The following FGGY variants were observed in gnomAD, a reference collection of about 807,000 sequenced individuals.
The protein encoded by FGGY is FGGY carbohydrate kinase domain containing, also known as FGGY carbohydrate kinase domain-containing protein.
FGGY carries 72 observed loss-of-function variants against 71.3 expected under a neutral mutation model. That is an observed-to-expected ratio of 1.01 (90% CI 0.84 to 1.23). The LOEUF is 1.23. Among genes scored for constraint, FGGY ranks in the 50% most tolerant of loss-of-function variants. The pLI is 0.00. For missense variants in FGGY, 668 were observed against 682.3 expected, an observed-to-expected ratio of 0.98 and a Z score of 0.23; for synonymous variants, 251 against 250.3, an observed-to-expected ratio of 1.00 and a Z score of -0.02.
intron 1 of FGGY, among the ~76,000 whole-genome samples, chr1:59,319,171 C>T (rs192148017): frequency 1.3e-5 from 2 of 152,202 alleles, no homozygotes; most frequent in East Asian, 3.9e-4. Flanking sequence ...TTGTAACATA[C>T]CATTGATTGT....
chr1:59,530,153 C>A (rs1441143744), intron 7 of FGGY, among the ~76,000 whole-genome samples: 1 of 151,788 alleles, frequency 6.6e-6, no homozygotes. Flanking sequence ...AGCCGTAAAT[C>A]CTGAAGTTAA....
At chr1:59,547,100 G>A (rs1217778643) in intron 7 of FGGY, among the ~76,000 whole-genome samples, 7 of 151,706 alleles carry the variant, frequency 4.6e-5, no homozygotes, top group South Asian at 2.1e-4. Flanking sequence ...CTACAGGCGC[G>A]TGCCACCATG....
intron 7 of FGGY, among the ~76,000 whole-genome samples, chr1:59,545,295 T>C (rs2095503797): frequency 6.6e-6 from 1 of 152,238 alleles, no homozygotes; most frequent in African/African-American, 2.4e-5. Context: ...GTCACAGTAT[T>C]TGATCTATTT....
At chr1:59,323,952 G>A (rs2153138012) in intron 2 of FGGY, among the ~76,000 whole-genome samples, 1 of 152,210 alleles carries the variant, frequency 6.6e-6, no homozygotes, top group Admixed American at 6.5e-5. Context: ...TCACTCTCCT[G>A]GTTAGGGTTC....
intron 14 of FGGY, among the ~76,000 whole-genome samples, chr1:59,711,004 C>T (rs2097789784): frequency 6.6e-6 from 1 of 152,002 alleles, no homozygotes; most frequent in Non-Finnish European, 1.5e-5. Context: ...ATTTTTATTG[C>T]AGTACTATTG....
intron 14 of FGGY, among the ~76,000 whole-genome samples, chr1:59,683,536 G>A (rs1439955165): frequency 6.6e-6 from 1 of 152,162 alleles, no homozygotes; most frequent in East Asian, 1.9e-4. Context: ...ACGTTACAAG[G>A]CCTTGTCCAG....
intron 14 of FGGY, among the ~76,000 whole-genome samples, chr1:59,726,950 A>G (rs139368925): frequency 1.3e-5 from 2 of 152,116 alleles, no homozygotes; most frequent in African/African-American, 4.8e-5. Context: ...ACATAGGTAT[A>G]TTGTGTGATG....
At chr1:59,660,139 A>G (rs1260061943) in intron 11 of FGGY, 80 bp from the exon 12 acceptor site, 4 of 1,270,094 alleles carry the variant, frequency 3.1e-6, no homozygotes, top group Non-Finnish European at 3.4e-6. Context: ...AACACATCTG[A>G]ACGTATTTCA....
chr1:59,363,991 CAAAT>C (rs1433270292), intron 4 of FGGY, among the ~76,000 whole-genome samples: 1 of 152,128 alleles, frequency 6.6e-6, no homozygotes, highest in African/African-American at 2.4e-5. Flanking sequence ...TGCACATACC[CAAAT>C]AGACTCCAAA....
In FGGY at chr1:59,682,990, C is replaced by T. The variant is rs562724160; in HGVS notation, c.1512+8857C>T. ...GCTGGCTTACATCCTGGGGCCAACT[C>T]CTTTCACCACAGATGGGCCCTTTGA... On this transcript the variant is annotated intron_variant, in intron 14 of 15. Coordinates refer to ENST00000303721, the MANE Select transcript of FGGY (RefSeq NM_018291.5). 5.3e-5 allele frequency among the ~76,000 whole-genome samples: 8 copies of T among 152,242 alleles called. No individual in the cohort carries two copies. In the East Asian group the frequency reaches 9.6e-4, roughly 18 times the overall value.
At chr1:59,480,631 A>ATT (rs2093434741) in intron 6 of FGGY, among the ~76,000 whole-genome samples, 1 of 152,192 alleles carries the variant, frequency 6.6e-6, no homozygotes, top group African/African-American at 2.4e-5. Flanking sequence ...GCACTAGGTA[A>ATT]GCAACCTGGA....
At chr1:59,486,768 C>G (rs1054387625) in intron 6 of FGGY, among the ~76,000 whole-genome samples, 1 of 152,084 alleles carries the variant, frequency 6.6e-6, no homozygotes, top group Non-Finnish European at 1.5e-5. Flanking sequence ...TGGTGAAATC[C>G]CATCAAAATG....
chr1:59,370,452 G>A (rs909094929), intron 4 of FGGY, among the ~76,000 whole-genome samples: 1 of 152,190 alleles, frequency 6.6e-6, no homozygotes, highest in African/African-American at 2.4e-5. Context: ...AAAGTGACGG[G>A]GAGAATGGAA....
chr1:59,643,971 T>A (rs957619337), intron 11 of FGGY, among the ~76,000 whole-genome samples: 9 of 152,206 alleles, frequency 5.9e-5, no homozygotes, highest in Non-Finnish European at 8.8e-5. Flanking sequence ...GGAGGACTAT[T>A]AAGAAAGGGA....
chr1:59,602,785 C>T (rs1273295797), intron 8 of FGGY, among the ~76,000 whole-genome samples: 1 of 152,212 alleles, frequency 6.6e-6, no homozygotes, highest in Non-Finnish European at 1.5e-5. Context: ...GTTATTCCTT[C>T]CTTTGGGCTC....
chr1:59,548,442 G>A (rs889411281), intron 7 of FGGY, among the ~76,000 whole-genome samples: 1 of 152,166 alleles, frequency 6.6e-6, no homozygotes, highest in Non-Finnish European at 1.5e-5. Context: ...AACTTTGTGG[G>A]TGAGTATTGC....
intron 14 of FGGY, among the ~76,000 whole-genome samples, chr1:59,716,459 C>T (rs985243588): frequency 6.6e-6 from 1 of 152,146 alleles, no homozygotes; most frequent in African/African-American, 2.4e-5. Flanking sequence ...GAAACTACAT[C>T]TTGATCTCTG....
intron 12 of FGGY, among the ~76,000 whole-genome samples, chr1:59,664,154 A>G (rs2097302625): frequency 6.6e-6 from 1 of 152,190 alleles, no homozygotes; most frequent in South Asian, 2.1e-4. Context: ...AAGTCTCTTG[A>G]TTTGCATTCG....
chr1:59,592,702 G>A (rs938829730), intron 8 of FGGY, among the ~76,000 whole-genome samples: 2 of 149,156 alleles, frequency 1.3e-5, no homozygotes, highest in Admixed American at 6.8e-5. Context: ...ACCAAACACC[G>A]CATATTCTCA....
Sources: gnomAD v4.1 joint callset for allele counts (sites outside exome capture counted in the v4.1 genomes callset) on GRCh38, gnomAD v4.1.1 for gene constraint, MANE v1.5 for transcripts, NCBI Gene and HGNC (gene_info 2026-07-23, HGNC 2026-07-21) for gene names.